Variants in ZKSCAN2 observed in about 807,000 individuals in gnomAD.
ZKSCAN2 encodes the protein zinc finger protein with KRAB and SCAN domains 2.
In ZKSCAN2, 38 loss-of-function variants were observed where a neutral mutation model predicts 90.5. That is an observed-to-expected ratio of 0.42 (90% CI 0.32 to 0.55). ZKSCAN2 has a LOEUF of 0.55. ZKSCAN2 is among the 20% of genes least tolerant of loss of function. The pLI, the probability that ZKSCAN2 is intolerant of heterozygous loss-of-function variation, is 0.11. For synonymous variants in ZKSCAN2, 429 were observed against 421.6 expected, an observed-to-expected ratio of 1.02 and a Z score of -0.22; for missense variants, 1,167 against 1,202.6, an observed-to-expected ratio of 0.97 and a Z score of 0.44.
intron 4 of ZKSCAN2, among the ~76,000 whole-genome samples, chr16:25,247,634 G>A (rs1031113587): frequency 6.6e-6 from 1 of 152,026 alleles, no homozygotes; most frequent in Admixed American, 6.6e-5. Context: ...AACCTTTAAG[G>A]GTAAGAATAT....
rs1054531862 is a variant in ZKSCAN2, at chr16:25,257,481, G to T, written c.-354C>A. The T allele has an allele frequency of 4.8e-5, 48 of 1,010,316 alleles. No homozygotes were observed. The highest frequency in any genetic ancestry group is 5.4e-5 in the Non-Finnish European group (46 of 847,300). 62.6% of individuals were successfully genotyped at this position (1,010,316 alleles called of 1,614,324 possible). On this transcript the variant is annotated 5_prime_UTR_variant, in exon 1 of 7. Coordinates refer to ENST00000328086, the MANE Select transcript of ZKSCAN2 (RefSeq NM_001012981.5). ...AAAGGCTGGGCGGAGGCGGACAGCC[G>T]GGCCGGGAGGGGGTGTGTCCGCTAC...
chr16:25,253,390 C>T (rs1282675203), intron 2 of ZKSCAN2, among the ~76,000 whole-genome samples: 3 of 152,086 alleles, frequency 2.0e-5, no homozygotes, highest in Non-Finnish European at 4.4e-5. Context: ...TCCCTACCCC[C>T]TTTCCCTTCC....
intron 1 of ZKSCAN2, 141 bp from the exon 2 acceptor site, chr16:25,255,533 A>AG: frequency 2.3e-6 from 2 of 879,770 alleles, no homozygotes; most frequent in Non-Finnish European, 3.4e-6. Flanking sequence ...AGTCTCTGAG[A>AG]GCGCTGGGCT....
chr16:25,245,356 A>AC (rs1265258678), intron 5 of ZKSCAN2, among the ~76,000 whole-genome samples: 1 of 152,164 alleles, frequency 6.6e-6, no homozygotes, highest in Non-Finnish European at 1.5e-5. Flanking sequence ...CTCCCATCTC[A>AC]GTCTCCTAAA....
chr16:25,255,265 T>C lies in ZKSCAN2; in HGVS notation c.527A>G (p.His176Arg). 1.2e-6 allele frequency: 2 copies of C among 1,613,256 alleles called. No homozygotes were observed. Among genetic ancestry groups the C allele is most frequent in the Non-Finnish European group, 1.7e-6 (2 of 1,179,794 alleles). The change falls in exon 2 of 7, where the codon CAC becomes CGC. Residue 176 changes from histidine (H) to arginine (R), a missense_variant. By Grantham distance (29) the His-to-Arg change is conservative. Transcript: ENST00000328086. Reference protein sequence around the residue: ...AVSREEPGSLHSGHQEQLNRK... With the variant: ...AVSREEPGSLRSGHQEQLNRK... ...GTTCAGCTGTTCCTGGTGTCCTGAG[T>C]GGAGGCTTCCAGGTTCCTCCCGAGA...
At chr16:25,254,592 T>C (rs924404637) in intron 2 of ZKSCAN2, among the ~76,000 whole-genome samples, 1 of 151,986 alleles carries the variant, frequency 6.6e-6, no homozygotes, top group African/African-American at 2.4e-5. Flanking sequence ...GTAGATCTTA[T>C]TTTATTTTTT....
At chr16:25,241,547 T>G (rs1473527196) in intron 6 of ZKSCAN2, among the ~76,000 whole-genome samples, 1 of 152,228 alleles carries the variant, frequency 6.6e-6, no homozygotes, top group Non-Finnish European at 1.5e-5. Context: ...TATGACCTAT[T>G]CATGGCCAAT....
chr16:25,236,734 T>C lies in ZKSCAN2; in HGVS notation c.*3082A>G, dbSNP rs1031918495. The C allele has an allele frequency of 1.3e-5, 2 of 152,170 alleles. No individual in the cohort carries two copies. The allele number at this position is 152,170 out of a possible 1,614,324, so 9.4% of individuals were successfully genotyped here. ...ACTGTTTCTTTCCAGATGAATGAAT[T>C]AGGTTGAATGCATAATAACATCACT... On this transcript the variant is annotated 3_prime_UTR_variant, in exon 7 of 7. Transcript: ENST00000328086.
chr16:25,247,519 A>T (rs2141365070), intron 4 of ZKSCAN2, 129 bp from the exon 5 acceptor site: 1 of 687,730 alleles, frequency 1.5e-6, no homozygotes, highest in East Asian at 2.7e-5. Context: ...GACACTGCAC[A>T]TTTATTTTTA....
chr16:25,239,976 T>C lies in ZKSCAN2; in HGVS notation c.2744A>G (p.Tyr915Cys), dbSNP rs751093524. 2 of 1,614,144 alleles carry C rather than the reference T, an allele frequency of 1.2e-6. No individual in the cohort carries two copies. Among genetic ancestry groups the C allele is most frequent in the Non-Finnish European group, 1.7e-6 (2 of 1,180,026 alleles). The change falls in exon 7 of 7, where the codon TAT (tyrosine) becomes TGT (cysteine). Residue 915 changes from tyrosine to cysteine, a missense_variant. Tyr to Cys is a radical substitution (Grantham distance 194). Transcript: ENST00000328086. ...ACGTTTGCCACACTGGGCACATCCA[T>C]AGGGCTTCTCTCCAGTGTGTATTCT... ...HRRIHTGEKPYGCAQCGKRFS... is the reference protein window; with the variant it reads ...HRRIHTGEKPCGCAQCGKRFS...
chr16:25,256,820 G>T lies in ZKSCAN2; in HGVS notation c.308C>A (p.Ala103Asp). 6.2e-7 allele frequency: 1 copy of T among 1,614,160 alleles called. No individual in the cohort carries two copies. The highest frequency in any genetic ancestry group is 8.5e-7 in the Non-Finnish European group (1 of 1,180,036). The change falls in exon 1 of 7, where the codon GCT (alanine) becomes GAT (aspartate). Residue 103 changes from alanine (A) to aspartate (D), a missense_variant. Transcript: ENST00000328086. ...TTGCGGACACTGCTTCTGTGCCCAA[G>T]CCTGAATCTTCTCGGGTAAAATGGT... ...FLTILPEKIQ[A>D]WAQKQCPQSG...
Position 25,240,648 on chromosome 16 carries a change from T to A in ZKSCAN2, c.2072A>T (p.Lys691Ile), listed in dbSNP as rs143690617. Residue 691 changes from lysine (K) to isoleucine (I), a missense_variant, in exon 7 of 7, where the codon AAA becomes ATA. Physicochemically the swap from Lys to Ile is moderately radical, Grantham distance 102. Transcript: ENST00000328086. ...EQHRALIEKSKRVVSQSTDPS... is the reference protein window; with the variant it reads ...EQHRALIEKSIRVVSQSTDPS... The stretch of plus-strand genomic sequence containing the variant: ...GTCGGTACTCTGGGAAACAACTCTT[T>A]TAGACTTTTCTATTAATGCCCTATG... The A allele has an allele frequency of 6.2e-7, 1 of 1,614,212 alleles. No individual in the cohort carries two copies. The highest frequency in any genetic ancestry group is 2.2e-5 in the East Asian group (1 of 44,886).
intron 4 of ZKSCAN2, among the ~76,000 whole-genome samples, chr16:25,249,021 T>G (rs1051007375): frequency 6.6e-6 from 1 of 152,174 alleles, no homozygotes; most frequent in Non-Finnish European, 1.5e-5. Context: ...TTAACTAAGG[T>G]AAGCCAGGCA....
chr16:25,247,186 T>A lies in ZKSCAN2; in HGVS notation c.1010A>T (p.Lys337Met). 6.2e-7 allele frequency: 1 copy of A among 1,614,194 alleles called. No individual in the cohort carries two copies. Among genetic ancestry groups the A allele is most frequent in the Non-Finnish European group, 8.5e-7 (1 of 1,180,036 alleles). The change falls in exon 5 of 7, where the codon AAG (lysine) becomes ATG (methionine). Residue 337 changes from lysine (K) to methionine (M), a missense_variant. Lys to Met is a moderately conservative substitution (Grantham distance 95). Transcript: ENST00000328086. ...ATAGCTCCAATGCACACCTGCTATC[T>A]TTTCATCTTCTAAACCCCACTGCTG... ...EQQQWGLEDE[K>M]IAGVHWSYEE...
intron 2 of ZKSCAN2, 68 bp from the exon 3 acceptor site, chr16:25,253,105 T>G: frequency 8.3e-7 from 1 of 1,209,676 alleles, no homozygotes; most frequent in Non-Finnish European, 1.2e-6. Context: ...GTCTCTCTTT[T>G]TAAGAGATGA....
At position 25,255,265 on chromosome 16, in the gene ZKSCAN2, T is replaced by A. The variant is rs534092020; in HGVS notation, c.527A>T (p.His176Leu). ...AVSREEPGSL[H>L]SGHQEQLNRK... ...GTTCAGCTGTTCCTGGTGTCCTGAGTGGAGGCTTCCAGGTTCCTCCCGAGA... is the reference window on the plus strand; with the variant it reads ...GTTCAGCTGTTCCTGGTGTCCTGAGAGGAGGCTTCCAGGTTCCTCCCGAGA... Residue 176 changes from histidine to leucine, a missense_variant, in exon 2 of 7, where the codon CAC (histidine) becomes CTC (leucine). Physicochemically the swap from His to Leu is moderately conservative, Grantham distance 99. Transcript: ENST00000328086. 2 of 1,613,256 alleles carry A rather than the reference T, an allele frequency of 1.2e-6. No individual in the cohort carries two copies. Among genetic ancestry groups the A allele is most frequent in the Admixed American group, 3.3e-5 (2 of 59,728 alleles).
intron 4 of ZKSCAN2, among the ~76,000 whole-genome samples, 188 bp downstream of exon 4, chr16:25,251,718 AATT>A (rs945153583): frequency 3.3e-5 from 5 of 151,930 alleles, no homozygotes; most frequent in East Asian, 3.8e-4. Flanking sequence ...TTAATCACTA[AATT>A]ATTATTATTA....
rs1186912074 is a variant in ZKSCAN2 at position 25,238,231 on chromosome 16, GGA to G, written c.*1583_*1584del. ...AAATAAGAGCATTTGACAAAGAAAG[GGA>G]GAGAGAAGAGCAAAATAATCACCCA... On this transcript the variant is annotated 3_prime_UTR_variant, in exon 7 of 7. Transcript: ENST00000328086. 2.0e-5 allele frequency: 3 copies of G among 152,228 alleles called. No homozygotes were observed. Among genetic ancestry groups the G allele is most frequent in the Non-Finnish European group, 4.4e-5 (3 of 68,038 alleles). 9.4% of individuals were successfully genotyped at this position (152,228 alleles called of 1,614,324 possible). A position where few individuals can be genotyped will look rare whatever the true frequency, so the allele number is the denominator to read the frequency against.
chr16:25,243,270 C>T (rs568825015), intron 6 of ZKSCAN2, among the ~76,000 whole-genome samples: 35 of 152,186 alleles, frequency 2.3e-4, no homozygotes, highest in Non-Finnish European at 4.0e-4. Context: ...AGGCTGAGAA[C>T]CCAAGGACTG....
Sources: allele counts gnomAD v4.1 joint callset (sites outside exome capture counted in the v4.1 genomes callset), GRCh38; gene constraint gnomAD v4.1.1; transcripts MANE v1.5; gene names NCBI Gene and HGNC (gene_info 2026-07-23, HGNC 2026-07-21).